The following SPTBN1 variants were observed in gnomAD, a reference collection of about 807,000 sequenced individuals.
SPTBN1 encodes the protein spectrin beta, non-erythrocytic 1.
SPTBN1 carries 32 observed loss-of-function variants against 266.4 expected under a neutral mutation model. The ratio of observed to expected loss-of-function variants is 0.12; its 90% CI spans 0.09 to 0.16. The LOEUF (loss-of-function observed/expected upper bound fraction) is 0.16. Ranked by LOEUF, SPTBN1 falls within the 10% of genes least tolerant of loss-of-function variation. The pLI is 1.00. For synonymous variants in SPTBN1, 1,336 were observed against 1,162.2 expected, an observed-to-expected ratio of 1.15 and a Z score of -3.04; for missense variants, 2,296 against 3,067.1, an observed-to-expected ratio of 0.75 and a Z score of 5.94.
At chr2:54,643,967 G>A (rs1436534851) in intron 19 of SPTBN1, among the ~76,000 whole-genome samples, 2 of 128,674 alleles carry the variant, frequency 1.6e-5, no homozygotes, top group Non-Finnish European at 3.2e-5. Context: ...ACGAGACTCT[G>A]TCTCAATATA....
rs1251968377 is a variant in SPTBN1 at position 54,630,084 on chromosome 2, G to A, written c.2807+55G>A. The A allele has an allele frequency of 3.2e-5, 51 of 1,583,216 alleles. 2 individuals are homozygous for A. The Admixed American group carries it at 8.1e-4, about 25-fold the overall frequency. ...TCCCACGTGTGGGACTGGGGAGGGT[G>A]AGGTCACTCATCGAGCTTTGCTGTT... On this transcript the variant is annotated intron_variant, in intron 15 of 35. Transcript: ENST00000356805.
intron 3 of SPTBN1, among the ~76,000 whole-genome samples, chr2:54,605,495 C>G (rs1388297918): frequency 6.6e-6 from 1 of 152,162 alleles, no homozygotes; most frequent in African/African-American, 2.4e-5. Context: ...TGTCAACCAC[C>G]TAGCAGGGAG....
rs749854179 is a variant in SPTBN1, at chr2:54,617,729, G to A, written c.647+41G>A. On this transcript the variant is annotated intron_variant, in intron 6 of 35. Transcript: ENST00000356805. ...TCATCCTAGCAATCGTGGGGTAAAA[G>A]GTTGCTGTCCTTCCATAGCAGATTT... 1.5e-5 allele frequency: 24 copies of A among 1,599,674 alleles called. No homozygotes were observed. In the Middle Eastern group the frequency reaches 2.5e-3, roughly 166 times the overall value.
Position 54,486,973 on chromosome 2 carries a change from T to G in SPTBN1, c.-48+30455T>G, listed in dbSNP as rs11893185. 4.6e-3 allele frequency among the ~76,000 whole-genome samples: 699 copies of G among 152,172 alleles called. 5 individuals carry two copies. The highest frequency in any genetic ancestry group is 0.016 in the African/African-American group (666 of 41,534). On this transcript the variant is annotated intron_variant, in intron 1 of 35. Coordinates refer to ENST00000356805, the MANE Select transcript of SPTBN1 (RefSeq NM_003128.3). The stretch of plus-strand genomic sequence containing the variant: ...CTCTGAGTCATTTACGTGAGATCAT[T>G]TATCAAACGGCGCTGAGGACCAGTT...
intron 8 of SPTBN1, 29 bp from the exon 9 acceptor site, chr2:54,622,271 T>G (rs1445432885): frequency 1.2e-6 from 2 of 1,609,404 alleles, no homozygotes; most frequent in Admixed American, 1.7e-5. Context: ...TGACATGATC[T>G]TTTCAATTTT....
rs1409425593 is a variant in SPTBN1 at position 54,599,829 on chromosome 2, C to T, written c.300+586C>T. On this transcript the variant is annotated intron_variant, in intron 3 of 35. Transcript: ENST00000356805. ...TCAGCCTGCAATGAAAATTGTATCCCCAATCTGTTTCCCAGAGCTGCTGCG... is the reference window on the plus strand; with the variant it reads ...TCAGCCTGCAATGAAAATTGTATCCTCAATCTGTTTCCCAGAGCTGCTGCG... 4.7e-4 allele frequency among the ~76,000 whole-genome samples: 72 copies of T among 152,178 alleles called. 1 individual carries two copies. Among genetic ancestry groups the T allele is most frequent in the Admixed American group, 4.7e-3 (72 of 15,284 alleles).
intron 2 of SPTBN1, among the ~76,000 whole-genome samples, chr2:54,534,878 C>T (rs1053065726): frequency 4.6e-5 from 7 of 152,204 alleles, no homozygotes; most frequent in African/African-American, 1.7e-4. Flanking sequence ...CCTATTCCTG[C>T]ACCTCACTCT....
At chr2:54,568,798 T>A (rs1258577394) in intron 2 of SPTBN1, among the ~76,000 whole-genome samples, 1 of 152,234 alleles carries the variant, frequency 6.6e-6, no homozygotes, top group Non-Finnish European at 1.5e-5. Context: ...TAGAAATTTA[T>A]GAGTCCATAC....
chr2:54,461,471 T>A (rs564104351), intron 1 of SPTBN1, among the ~76,000 whole-genome samples: 1 of 152,358 alleles, frequency 6.6e-6, no homozygotes, highest in African/African-American at 2.4e-5. Context: ...CTCTAGGGAA[T>A]GAAATTTTCT....
intron 2 of SPTBN1, among the ~76,000 whole-genome samples, chr2:54,587,953 A>G (rs904081478): frequency 1.3e-5 from 2 of 152,176 alleles, no homozygotes; most frequent in Non-Finnish European, 2.9e-5. Flanking sequence ...TTCAATAGCA[A>G]AATTTAAAAT....
chr2:54,543,182 T>A (rs1026804562), intron 2 of SPTBN1, among the ~76,000 whole-genome samples: 1 of 152,194 alleles, frequency 6.6e-6, no homozygotes, highest in Non-Finnish European at 1.5e-5. Flanking sequence ...CTCTGTCGCC[T>A]ACTAGCTATG....
At chr2:54,651,260 C>G (rs138389751) in intron 26 of SPTBN1, among the ~76,000 whole-genome samples, 45 of 152,276 alleles carry the variant, frequency 3.0e-4, no homozygotes, top group Admixed American at 5.2e-4. Context: ...CATTAAATCC[C>G]TTCACCTCAT....
intron 1 of SPTBN1, among the ~76,000 whole-genome samples, chr2:54,458,956 T>C (rs1249979448): frequency 2.6e-5 from 4 of 152,246 alleles, no homozygotes; most frequent in Non-Finnish European, 5.9e-5. Context: ...GTATGTGCGT[T>C]ATTTTGAGTT....
chr2:54,621,419 T>C lies in SPTBN1; in HGVS notation c.783T>C (p.Pro261=), dbSNP rs774709250. The change falls in exon 8 of 36, where the codon CCT becomes CCC. Residue 261 remains proline, a synonymous_variant. Transcript: ENST00000356805. ...LDPEDISVDH[P]DEKSIITYVV... ...TTACAGACATCAGCGTGGACCATCC[T>C]GATGAGAAGTCCATAATCACTTATG... 1.9e-6 allele frequency: 3 copies of C among 1,613,846 alleles called. No individual in the cohort carries two copies. In the Admixed American group the frequency reaches 5.0e-5, roughly 27 times the overall value.
intron 2 of SPTBN1, among the ~76,000 whole-genome samples, chr2:54,569,794 C>A (rs4671959): frequency 0.29 from 43,485 of 152,070 alleles, 7,758 homozygotes; most frequent in Admixed American, 0.37. Flanking sequence ...ATAATAAGGG[C>A]TCATAGGATT....
In SPTBN1 at chr2:54,514,797, T is replaced by G. The variant is rs368232261; in HGVS notation, c.-47-11575T>G. Among the ~76,000 whole-genome samples, 196 of 152,334 alleles carry G rather than the reference T, an allele frequency of 1.3e-3. 4 individuals are homozygous for G. The South Asian group carries it at 0.036, about 28-fold the overall frequency. On this transcript the variant is annotated intron_variant, in intron 1 of 35. Coordinates refer to ENST00000356805, the MANE Select transcript of SPTBN1 (RefSeq NM_003128.3). ...GTGGAAGAGATCTGTACTAACCAAC[T>G]CCATCTTGCTTCTAACCTCCAAGCA... is the stretch of plus-strand genomic sequence containing the variant.
chr2:54,498,997 A>G (rs867431645), intron 1 of SPTBN1, among the ~76,000 whole-genome samples: 5 of 152,024 alleles, frequency 3.3e-5, no homozygotes, highest in Non-Finnish European at 7.4e-5. Flanking sequence ...ATTTGCTCCT[A>G]GTCAGCTGGC....
intron 1 of SPTBN1, among the ~76,000 whole-genome samples, chr2:54,496,440 A>T (rs78036787): frequency 9.0e-4 from 18 of 20,008 alleles, no homozygotes; most frequent in African/African-American, 5.0e-3. Context: ...TCCGTGTCTT[A>T]AAAAAAAAAA....
intron 1 of SPTBN1, among the ~76,000 whole-genome samples, chr2:54,485,729 C>G (rs1236184743): frequency 6.6e-6 from 1 of 150,750 alleles, no homozygotes; most frequent in Admixed American, 6.6e-5. Context: ...CGGCCGCCAT[C>G]CCATCTAGGA....
Sources: allele counts gnomAD v4.1 joint callset (sites outside exome capture counted in the v4.1 genomes callset), GRCh38; gene constraint gnomAD v4.1.1; transcripts MANE v1.5; gene names NCBI Gene and HGNC (gene_info 2026-07-23, HGNC 2026-07-21).